The following CDC42 variants were observed in gnomAD, a reference collection of about 807,000 sequenced individuals.
CDC42 encodes the protein cell division control protein 42 homolog.
In CDC42, 1 loss-of-function variant was observed where a neutral mutation model predicts 20.8. The observed-to-expected ratio is 0.05, with a 90% CI of 0.02 to 0.23. CDC42 has a LOEUF of 0.23. Among genes scored for constraint, CDC42 ranks in the 10% least tolerant of loss-of-function variants. The pLI, the probability that CDC42 is intolerant of heterozygous loss-of-function variation, is 1.00. For missense variants in CDC42, 49 were observed against 227.9 expected, an observed-to-expected ratio of 0.21 and a Z score of 5.05; for synonymous variants, 72 against 84.8, an observed-to-expected ratio of 0.85 and a Z score of 0.83.
chr1:22,083,733 G>A (rs375533805), intron 3 of CDC42, among the ~76,000 whole-genome samples: 3 of 152,084 alleles, frequency 2.0e-5, no homozygotes, highest in South Asian at 4.2e-4. Context: ...ACTGAATGGT[G>A]TTGGCACCCT....
chr1:22,096,803 T>C lies in CDC42; in HGVS notation c.*5286T>C, dbSNP rs1285515614. Among the ~76,000 whole-genome samples, 1 of 152,264 alleles carries C rather than the reference T, an allele frequency of 6.6e-6. No individual in the cohort carries two copies. The highest frequency in any genetic ancestry group is 1.5e-5 in the Non-Finnish European group (1 of 68,046). On this transcript the variant is annotated 3_prime_UTR_variant, in exon 6 of 6. Coordinates refer to ENST00000656825, the MANE Select transcript of CDC42 (RefSeq NM_001791.4). ...GACTTGTAATAATTTAGTGATTTTA[T>C]TTTCCAAAGCAAGGCATTTGGTTGC... is the stretch of plus-strand genomic sequence containing the variant.
chr1:22,056,841 A>G (rs1347641301), intron 1 of CDC42, among the ~76,000 whole-genome samples: 1 of 152,256 alleles, frequency 6.6e-6, no homozygotes, highest in African/African-American at 2.4e-5. Context: ...GCAGAAAACT[A>G]TATTGTTCAG....
intron 1 of CDC42, among the ~76,000 whole-genome samples, chr1:22,062,697 G>C (rs920929709): frequency 2.3e-5 from 3 of 131,760 alleles, no homozygotes; most frequent in Non-Finnish European, 4.6e-5. Context: ...GAGCCTGGTA[G>C]CCTGGTCAAC....
At chr1:22,087,960 C>T (rs1055085140) in intron 5 of CDC42, among the ~76,000 whole-genome samples, 1 of 152,170 alleles carries the variant, frequency 6.6e-6, no homozygotes, top group African/African-American at 2.4e-5. Context: ...TTATGCTTAA[C>T]TGGGATATCC....
intron 3 of CDC42, among the ~76,000 whole-genome samples, chr1:22,083,178 G>A (rs1645626611): frequency 6.6e-6 from 1 of 152,090 alleles, no homozygotes; most frequent in Non-Finnish European, 1.5e-5. Context: ...ACTGCGCCTG[G>A]CGAGAAAAGA....
intron 1 of CDC42, among the ~76,000 whole-genome samples, chr1:22,055,318 C>G (rs925159968): frequency 6.7e-6 from 1 of 149,298 alleles, no homozygotes; most frequent in Middle Eastern, 3.2e-3. Context: ...ATTGAATGAG[C>G]TCGTTTTCAG....
chr1:22,083,432 A>G (rs752627885), intron 3 of CDC42, among the ~76,000 whole-genome samples: 5 of 151,594 alleles, frequency 3.3e-5, no homozygotes, highest in Non-Finnish European at 5.9e-5. Context: ...GTGAAACCCC[A>G]TCTCTACTAA....
At chr1:22,081,928 A>G (rs1238497639) in intron 3 of CDC42, 134 bp downstream of exon 3, 21 of 639,760 alleles carry the variant, frequency 3.3e-5, no homozygotes, top group Non-Finnish European at 5.5e-5. Context: ...GATTGAATAT[A>G]ATGATTGTCG....
At position 22,096,469 on chromosome 1, in the gene CDC42, G is replaced by A. The variant is rs1160147082; in HGVS notation, c.*4952G>A. ...TTGCTCCCAAGAGAGTAATGTAAAA[G>A]TTTTATCTGTGCATGCATATTCATG... is the stretch of plus-strand genomic sequence containing the variant. On this transcript the variant is annotated 3_prime_UTR_variant, in exon 6 of 6. Transcript: ENST00000656825. Among the ~76,000 whole-genome samples the A allele has an allele frequency of 6.6e-6, 1 of 152,148 alleles. No individual in the cohort carries two copies. Among genetic ancestry groups the A allele is most frequent in the Non-Finnish European group, 1.5e-5 (1 of 68,026 alleles).
At position 22,099,242 on chromosome 1, in the gene CDC42, C is replaced by T. The variant is rs1645775360; in HGVS notation, c.*7725C>T. 6.6e-6 allele frequency among the ~76,000 whole-genome samples: 1 copy of T among 152,202 alleles called. No individual in the cohort carries two copies. Among genetic ancestry groups the T allele is most frequent in the South Asian group, 2.1e-4 (1 of 4,838 alleles). On this transcript the variant is annotated 3_prime_UTR_variant, in exon 6 of 6. Coordinates refer to ENST00000656825, the MANE Select transcript of CDC42 (RefSeq NM_001791.4). ...TTAATCACATCCAGGAGGGCTCTGCCCTAACTGCTGAGAATCATAAAAGAA... is the reference window on the plus strand; with the variant it reads ...TTAATCACATCCAGGAGGGCTCTGCTCTAACTGCTGAGAATCATAAAAGAA...
intron 1 of CDC42, among the ~76,000 whole-genome samples, chr1:22,066,668 G>A (rs2152828081): frequency 7.3e-6 from 1 of 136,410 alleles, no homozygotes; most frequent in South Asian, 2.7e-4. Context: ...TGGATAATGT[G>A]GTCAGGGGAG....
rs557619127 is a variant in CDC42, at chr1:22,055,686, C to T, written c.-51+2944C>T. On this transcript the variant is annotated intron_variant, in intron 1 of 5. Coordinates refer to ENST00000656825, the MANE Select transcript of CDC42 (RefSeq NM_001791.4). ...GTATCTTTTGTAGAGATCGGGTTTC[C>T]TCATGTTGTCCAGGCTGATCTGGAA... 3.9e-5 allele frequency among the ~76,000 whole-genome samples: 6 copies of T among 151,984 alleles called. No individual in the cohort carries two copies. The South Asian group carries it at 1.0e-3, about 26-fold the overall frequency.
At chr1:22,077,884 G>C (rs187120615) in intron 1 of CDC42, among the ~76,000 whole-genome samples, 161 of 152,318 alleles carry the variant, frequency 1.1e-3, no homozygotes, top group Non-Finnish European at 2.1e-3. Context: ...GCTGAGGCCA[G>C]CGATCACCCT....
At chr1:22,081,267 C>T (rs1360031580) in intron 2 of CDC42, among the ~76,000 whole-genome samples, 4 of 152,138 alleles carry the variant, frequency 2.6e-5, no homozygotes, top group Non-Finnish European at 5.9e-5. Flanking sequence ...TTGTTTATAA[C>T]AAGGCTCATC....
intron 1 of CDC42, among the ~76,000 whole-genome samples, chr1:22,058,081 C>T (rs1322064433): frequency 6.6e-6 from 1 of 152,136 alleles, no homozygotes; most frequent in African/African-American, 2.4e-5. Flanking sequence ...GCAAGGGTGT[C>T]AGGCCTCAGG....
At position 22,095,739 on chromosome 1, in the gene CDC42, C is replaced by G. The variant is rs557547460; in HGVS notation, c.*4222C>G. Among the ~76,000 whole-genome samples, 1 of 152,228 alleles carries G rather than the reference C, an allele frequency of 6.6e-6. No homozygotes were observed. The highest frequency in any genetic ancestry group is 2.1e-4 in the South Asian group (1 of 4,830). The stretch of plus-strand genomic sequence containing the variant: ...TCATTCATGGGTCAGCTGAACTTGT[C>G]TCTAGCCTTCAGATTGGGCTCAGGT... On this transcript the variant is annotated 3_prime_UTR_variant, in exon 6 of 6. Transcript: ENST00000656825.
rs1369302697 is a variant in CDC42 at position 22,094,792 on chromosome 1, A to G, written c.*3275A>G. Among the ~76,000 whole-genome samples the G allele has an allele frequency of 1.3e-5, 2 of 152,188 alleles. No homozygotes were observed. The highest frequency in any genetic ancestry group is 4.8e-5 in the African/African-American group (2 of 41,444). On this transcript the variant is annotated 3_prime_UTR_variant, in exon 6 of 6. Coordinates refer to ENST00000656825, the MANE Select transcript of CDC42 (RefSeq NM_001791.4). ...GTTAACATTGGTGTACATTTAATGT[A>G]GTAGTACTTTTTCTCCTTTTGCCCT...
intron 2 of CDC42, 166 bp downstream of exon 2, chr1:22,078,749 G>GA (rs762721731): frequency 2.7e-6 from 4 of 1,496,554 alleles, no homozygotes; most frequent in South Asian, 2.4e-5. Flanking sequence ...TTAAACAGCT[G>GA]AAAAATCAGT....
At chr1:22,076,494 C>G (rs1177959292) in intron 1 of CDC42, among the ~76,000 whole-genome samples, 1 of 152,138 alleles carries the variant, frequency 6.6e-6, no homozygotes, top group Non-Finnish European at 1.5e-5. Flanking sequence ...GTTTAAATTA[C>G]AGTTCTCCCA....
Sources: allele counts gnomAD v4.1 joint callset (sites outside exome capture counted in the v4.1 genomes callset), GRCh38; gene constraint gnomAD v4.1.1; transcripts MANE v1.5; gene names NCBI Gene and HGNC (gene_info 2026-07-23, HGNC 2026-07-21).